RNF182: variants seen among roughly 807,000 people sequenced by gnomAD.
RNF182 encodes the protein E3 ubiquitin-protein ligase RNF182.
Under a neutral mutation model 14.4 loss-of-function variants are expected in RNF182, and 15 were observed. That is an observed-to-expected ratio of 1.04 (90% CI 0.70 to 1.60). The LOEUF is 1.60. Ranked by LOEUF, RNF182 falls within the 40% of genes most tolerant of loss-of-function variation. The probability of loss-of-function intolerance (pLI) is 0.00; values close to 1 mark genes in which losing one functional copy is unlikely to be tolerated. For missense variants in RNF182, 268 were observed against 294.8 expected (o/e 0.91, Z 0.67); for synonymous variants, 128 against 122.9 (o/e 1.04, Z -0.27).
chr6:13,963,015 C>T lies in RNF182; in HGVS notation c.-366-11195C>T, dbSNP rs1395702915. 3.3e-5 allele frequency among the ~76,000 whole-genome samples: 5 copies of T among 151,908 alleles called. No homozygotes were observed. The East Asian group carries it at 9.7e-4, about 29-fold the overall frequency. On this transcript the variant is annotated intron_variant, in intron 1 of 2. Coordinates refer to ENST00000488300, the MANE Select transcript of RNF182 (RefSeq NM_152737.4). ...CTCTACTTATTTTGACTTTTTTTGT[C>T]CTGACTTCTTATGTAATCTTAGGAA...
At chr6:13,952,010 G>C (rs1287320104) in intron 1 of RNF182, among the ~76,000 whole-genome samples, 1 of 152,096 alleles carries the variant, frequency 6.6e-6, no homozygotes, top group Non-Finnish European at 1.5e-5. Flanking sequence ...AAGTGGGGTG[G>C]GATGACCTCT....
At chr6:13,953,763 C>T (rs968585936) in intron 1 of RNF182, among the ~76,000 whole-genome samples, 2 of 152,188 alleles carry the variant, frequency 1.3e-5, no homozygotes, top group East Asian at 1.9e-4. Context: ...GGGTCCTGCT[C>T]ATGCGACATT....
intron 1 of RNF182, among the ~76,000 whole-genome samples, chr6:13,946,817 G>T (rs911846024): frequency 6.6e-6 from 1 of 152,124 alleles, no homozygotes; most frequent in Non-Finnish European, 1.5e-5. Flanking sequence ...CTGAACAGGG[G>T]CAATGATATT....
intron 1 of RNF182, among the ~76,000 whole-genome samples, chr6:13,939,230 C>T (rs1450068119): frequency 6.6e-6 from 1 of 152,180 alleles, no homozygotes; most frequent in Non-Finnish European, 1.5e-5. Flanking sequence ...ATCATCCTGT[C>T]AGTTTCCACA....
At chr6:13,960,301 G>A (rs1299556144) in intron 1 of RNF182, among the ~76,000 whole-genome samples, 1 of 152,122 alleles carries the variant, frequency 6.6e-6, no homozygotes, top group Non-Finnish European at 1.5e-5. Flanking sequence ...TTAAATGAAA[G>A]TGATAATATA....
At chr6:13,942,352 T>A (rs887073597) in intron 1 of RNF182, among the ~76,000 whole-genome samples, 72 of 152,144 alleles carry the variant, frequency 4.7e-4, no homozygotes, top group African/African-American at 1.1e-3. Flanking sequence ...TTAAAAAAAA[T>A]TTTTTTTGAG....
intron 1 of RNF182, among the ~76,000 whole-genome samples, chr6:13,947,428 C>T (rs1213327414): frequency 6.6e-6 from 1 of 152,022 alleles, no homozygotes; most frequent in Non-Finnish European, 1.5e-5. Flanking sequence ...GATTTGTTGG[C>T]AAAATAAATT....
chr6:13,931,287 C>T (rs2113578812), intron 1 of RNF182, among the ~76,000 whole-genome samples: 1 of 152,228 alleles, frequency 6.6e-6, no homozygotes, highest in East Asian at 1.9e-4. Context: ...TGAACAAGGA[C>T]AAGGGCTACA....
intron 1 of RNF182, chr6:13,961,360 A>G (rs1407935480): frequency 6.6e-6 from 1 of 152,200 alleles, no homozygotes; most frequent in African/African-American, 2.4e-5. Context: ...AAATGATTCC[A>G]TTGAATCCTC....
chr6:13,956,680 C>T (rs759035730), intron 1 of RNF182, among the ~76,000 whole-genome samples: 1 of 152,162 alleles, frequency 6.6e-6, no homozygotes, highest in East Asian at 1.9e-4. Flanking sequence ...TGTATCTTGG[C>T]TCACTACAAA....
At chr6:13,939,662 G>A (rs1759237291) in intron 1 of RNF182, among the ~76,000 whole-genome samples, 2 of 152,024 alleles carry the variant, frequency 1.3e-5, no homozygotes, top group African/African-American at 4.8e-5. Flanking sequence ...TCCTGCCTCA[G>A]CCTCCTGAGT....
chr6:13,969,197 C>T (rs1006060496), intron 1 of RNF182, among the ~76,000 whole-genome samples: 14 of 151,992 alleles, frequency 9.2e-5, no homozygotes, highest in Non-Finnish European at 1.5e-5. Flanking sequence ...TTCTTCTTCT[C>T]CCTCTTGCTG....
intron 1 of RNF182, among the ~76,000 whole-genome samples, chr6:13,953,075 C>G (rs895593887): frequency 1.5e-4 from 23 of 152,180 alleles, no homozygotes; most frequent in African/African-American, 5.1e-4. Flanking sequence ...CAGGACATTT[C>G]CTGGGTCTGT....
Position 13,977,965 on chromosome 6 carries a change from C to T in RNF182, c.*102C>T, listed in dbSNP as rs1212940645. 5 of 1,260,826 alleles carry T rather than the reference C, an allele frequency of 4.0e-6. No homozygotes were observed. The South Asian group carries it at 8.2e-5, about 21-fold the overall frequency. 78.1% of individuals were successfully genotyped at this position (1,260,826 alleles called of 1,614,324 possible). A position where few individuals can be genotyped will look rare whatever the true frequency, so the allele number is the denominator to read the frequency against. ...TTTTATGTTCTTTATGATTAGTATC[C>T]ATGACATTAACAAAACCCTTGGCCA... On this transcript the variant is annotated 3_prime_UTR_variant, in exon 3 of 3. Transcript: ENST00000488300.
intron 1 of RNF182, among the ~76,000 whole-genome samples, chr6:13,952,812 TC>T (rs1276109288): frequency 1.3e-5 from 2 of 152,068 alleles, no homozygotes; most frequent in Admixed American, 6.5e-5. Context: ...ACCAGGGCAT[TC>T]CCAAAAGCGA....
At position 13,929,621 on chromosome 6, in the gene RNF182, T is replaced by C. The variant is rs185775136; in HGVS notation, c.-367+4598T>C. ...CACTTTTCTAAGCACTTCAGAAATA[T>C]CAACTCATTTAATCCTCACAACAAC... On this transcript the variant is annotated intron_variant, in intron 1 of 2. Coordinates refer to ENST00000488300, the MANE Select transcript of RNF182 (RefSeq NM_152737.4). 4.6e-5 allele frequency among the ~76,000 whole-genome samples: 7 copies of C among 152,344 alleles called. No individual in the cohort carries two copies. The East Asian group carries it at 1.3e-3, about 29-fold the overall frequency.
Position 13,962,075 on chromosome 6 carries a change from A to G in RNF182, c.-366-12135A>G, listed in dbSNP as rs183261198. ...GAGACCATCGTCTCTACAAAGTTCA[A>G]CTATTGTTAATGCTCACTAAGGGAT... is the stretch of plus-strand genomic sequence containing the variant. On this transcript the variant is annotated intron_variant, in intron 1 of 2. Transcript: ENST00000488300. 3.0e-4 allele frequency among the ~76,000 whole-genome samples: 46 copies of G among 152,320 alleles called. No individual in the cohort carries two copies. The East Asian group carries it at 7.1e-3, about 24-fold the overall frequency.
chr6:13,935,814 G>A (rs1234236027), intron 1 of RNF182, among the ~76,000 whole-genome samples: 1 of 152,082 alleles, frequency 6.6e-6, no homozygotes, highest in Non-Finnish European at 1.5e-5. Flanking sequence ...TATTATAATG[G>A]GGCATTAGAA....
intron 1 of RNF182, among the ~76,000 whole-genome samples, chr6:13,956,696 C>T (rs1759742192): frequency 6.6e-6 from 1 of 152,124 alleles, no homozygotes; most frequent in Admixed American, 6.6e-5. Context: ...ACAAAAGTGT[C>T]GTAAGTTTCA....
Sources: gnomAD v4.1 joint callset for allele counts (sites outside exome capture counted in the v4.1 genomes callset) on GRCh38, gnomAD v4.1.1 for gene constraint, MANE v1.5 for transcripts, NCBI Gene and HGNC (gene_info 2026-07-23, HGNC 2026-07-21) for gene names.